GRAMD4: variants seen among roughly 807,000 people sequenced by gnomAD.
GRAMD4 encodes the protein GRAM domain containing 4, also known as GRAM domain-containing protein 4.
A neutral mutation model predicts 83.9 loss-of-function variants in GRAMD4; 25 were observed. The ratio of observed to expected loss-of-function variants is 0.30; its 90% CI spans 0.22 to 0.42. The LOEUF (loss-of-function observed/expected upper bound fraction) is 0.42, where lower values mean the gene tolerates loss of function less well. Among genes scored for constraint, GRAMD4 ranks in the 10% least tolerant of loss-of-function variants. The pLI is 1.00. For missense variants in GRAMD4, 593 were observed against 788.7 expected (o/e 0.75, Z 2.97); for synonymous variants, 336 against 320.9 (o/e 1.05, Z -0.50).
chr22:46,587,032 C>G (rs886893208), intron 1 of GRAMD4, among the ~76,000 whole-genome samples: 13 of 152,230 alleles, frequency 8.5e-5, no homozygotes, highest in African/African-American at 2.2e-4. Flanking sequence ...TGGACAAAGC[C>G]CGTGCTGATG....
chr22:46,603,275 TCGG>T (rs2081330530), intron 1 of GRAMD4, among the ~76,000 whole-genome samples: 1 of 134,434 alleles, frequency 7.4e-6, no homozygotes, highest in Non-Finnish European at 1.6e-5. Flanking sequence ...TGGCATGACC[TCGG>T]CTCACTGCAA....
chr22:46,628,091 G>A (rs1223043506), intron 2 of GRAMD4, among the ~76,000 whole-genome samples: 2 of 152,212 alleles, frequency 1.3e-5, no homozygotes, highest in Admixed American at 6.5e-5. Flanking sequence ...ACGATTCTCC[G>A]ATGGTGGTCT....
At chr22:46,594,127 C>G (rs2081236802) in intron 1 of GRAMD4, among the ~76,000 whole-genome samples, 2 of 151,528 alleles carry the variant, frequency 1.3e-5, no homozygotes, top group Non-Finnish European at 2.9e-5. Flanking sequence ...CCCCAGCATC[C>G]TGCCAGCCCC....
intron 1 of GRAMD4, among the ~76,000 whole-genome samples, chr22:46,605,019 T>C (rs113970266): frequency 3.1e-5 from 3 of 97,830 alleles, no homozygotes; most frequent in Non-Finnish European, 6.0e-5. Context: ...TCACCCAGGT[T>C]TTGGTGCCAT....
intron 3 of GRAMD4, among the ~76,000 whole-genome samples, chr22:46,649,907 C>T (rs1437466469): frequency 6.6e-6 from 1 of 152,244 alleles, no homozygotes; most frequent in Admixed American, 6.5e-5. Context: ...GTACTCTGGG[C>T]TCTGCAGTGT....
At chr22:46,584,645 G>T (rs1020228746) in intron 1 of GRAMD4, among the ~76,000 whole-genome samples, 1 of 152,136 alleles carries the variant, frequency 6.6e-6, no homozygotes, top group Non-Finnish European at 1.5e-5. Context: ...CTTCGAGCCC[G>T]GGCTCCCGGT....
chr22:46,578,347 C>A (rs2081065298), intron 1 of GRAMD4, among the ~76,000 whole-genome samples: 1 of 152,108 alleles, frequency 6.6e-6, no homozygotes, highest in Non-Finnish European at 1.5e-5. Flanking sequence ...TCGAGGGCAG[C>A]ACTCGAGAGA....
chr22:46,624,892 G>C lies in GRAMD4; in HGVS notation c.-49-1859G>C, dbSNP rs375843591. On this transcript the variant is annotated intron_variant, in intron 1 of 18. Transcript: ENST00000406902. ...TTTTTTTTTTTTGAGACAGAGTCTC[G>C]CTCTGTCACCCAGGCTGGAGTGCAG... Among the ~76,000 whole-genome samples the C allele has an allele frequency of 3.5e-4, 49 of 139,668 alleles. No individual in the cohort carries two copies. The East Asian group carries it at 7.0e-3, about 20-fold the overall frequency. The allele number at this position is 139,668 out of a possible 152,430, so 91.6% of individuals were successfully genotyped here.
In GRAMD4 at chr22:46,598,694, C is replaced by T. The variant is rs78904016; in HGVS notation, c.-50+21404C>T. ...GGGAGACCCTGAGGTCAGACAGGGC[C>T]TGTGGTGCAGCTCCGAGCTCCTTGA... is the stretch of plus-strand genomic sequence containing the variant. On this transcript the variant is annotated intron_variant, in intron 1 of 1. Transcript: ENST00000431155. Among the ~76,000 whole-genome samples the T allele has an allele frequency of 5.0e-3, 762 of 152,092 alleles. 2 individuals are homozygous for T. Among genetic ancestry groups the T allele is most frequent in the Non-Finnish European group, 8.6e-3 (587 of 68,000 alleles).
At chr22:46,667,013 A>G in intron 10 of GRAMD4, 140 bp downstream of exon 10, 1 of 566,588 alleles carries the variant, frequency 1.8e-6, no homozygotes, top group South Asian at 2.6e-5. Context: ...CCTGAAGAGG[A>G]GGGGAGGAGG....
chr22:46,610,214 C>T (rs951040196), intron 1 of GRAMD4, among the ~76,000 whole-genome samples: 3 of 152,316 alleles, frequency 2.0e-5, no homozygotes, highest in African/African-American at 4.8e-5. Flanking sequence ...ATCTGTGATG[C>T]GCGGGCCACT....
intron 8 of GRAMD4, among the ~76,000 whole-genome samples, chr22:46,665,134 C>A (rs995912043): frequency 2.0e-5 from 3 of 152,246 alleles, no homozygotes; most frequent in Non-Finnish European, 4.4e-5. Context: ...AAGCTTTGAA[C>A]CTGCCTTCCA....
Position 46,659,378 on chromosome 22 carries a change from C to T in GRAMD4, c.404+1071C>T, listed in dbSNP as rs1017405161. On this transcript the variant is annotated intron_variant, in intron 4 of 18. Coordinates refer to ENST00000406902, the MANE Select transcript of GRAMD4 (RefSeq NM_015124.5). This position sits in a 1 kb window ranked among gnomAD's most constrained non-coding sequence, Gnocchi z 4.1. ...AGCCTCCCTCCAGCCTCCACTTAGC[C>T]TCCCTCCAGGTCTCCCACCTCAGCC... Among the ~76,000 whole-genome samples, 2 of 152,192 alleles carry T rather than the reference C, an allele frequency of 1.3e-5. No homozygotes were observed. Among genetic ancestry groups the T allele is most frequent in the African/African-American group, 4.8e-5 (2 of 41,444 alleles).
In GRAMD4 at chr22:46,679,352, G is replaced by GC. The variant is rs144223689; in HGVS notation, c.*2106dup. The GC allele has an allele frequency of 0.014, 14,106 of 985,356 alleles. 858 individuals carry two copies. In the African/African-American group the frequency reaches 0.17, roughly 12 times the overall value. The allele number at this position is 985,356 out of a possible 1,614,324, so 61.0% of individuals were successfully genotyped here. On this transcript the variant is annotated 3_prime_UTR_variant, in exon 19 of 19. Coordinates refer to ENST00000406902, the MANE Select transcript of GRAMD4 (RefSeq NM_015124.5). ...TGACCACGTGCCAGGTGTGGCCGAA[G>GC]CCCCCAGGGAGGGCCACATTCGGGG...
intron 3 of GRAMD4, among the ~76,000 whole-genome samples, chr22:46,650,466 C>A (rs2082149686): frequency 6.6e-6 from 1 of 151,876 alleles, no homozygotes; most frequent in African/African-American, 2.4e-5. Flanking sequence ...TGGGCCTCAG[C>A]CCCACAGTCT....
chr22:46,577,779 C>T (rs994367687), intron 1 of GRAMD4, among the ~76,000 whole-genome samples: 1 of 152,228 alleles, frequency 6.6e-6, no homozygotes, highest in Non-Finnish European at 1.5e-5. Context: ...CCTCCGTGCA[C>T]CCCACTTTCT....
At chr22:46,581,256 A>G (rs1389572525) in intron 1 of GRAMD4, among the ~76,000 whole-genome samples, 1 of 152,252 alleles carries the variant, frequency 6.6e-6, no homozygotes, top group Non-Finnish European at 1.5e-5. Flanking sequence ...AACATTAATA[A>G]TAGTAATAGA....
intron 6 of GRAMD4, among the ~76,000 whole-genome samples, 164 bp downstream of exon 6, chr22:46,663,336 C>T (rs954371677): frequency 3.9e-5 from 6 of 152,214 alleles, no homozygotes; most frequent in Non-Finnish European, 8.8e-5. Flanking sequence ...GGGGGCCGTG[C>T]CTGGCAGGGG....
chr22:46,637,698 T>A, intron 2 of GRAMD4, 142 bp from the exon 3 acceptor site: 103 of 732,132 alleles, frequency 1.4e-4, no homozygotes, highest in East Asian at 1.7e-4. Context: ...GTCGTCCCCA[T>A]GTCCAGAAAC....
Sources: gnomAD v4.1 joint callset for allele counts (sites outside exome capture counted in the v4.1 genomes callset) on GRCh38, gnomAD v4.1.1 for gene constraint, Gnocchi (gnomAD v3.1) non-coding constraint, MANE v1.5 for transcripts, NCBI Gene and HGNC (gene_info 2026-07-23, HGNC 2026-07-21) for gene names.